The following SLC30A8 variants were observed in gnomAD, a reference collection of about 807,000 sequenced individuals.
SLC30A8 encodes solute carrier family 30 member 8.
In SLC30A8, 27 loss-of-function variants were observed where a neutral mutation model predicts 36.9. The observed-to-expected ratio is 0.73, with a 90% CI of 0.54 to 1.01. The LOEUF (loss-of-function observed/expected upper bound fraction) is 1.01, where lower values mean the gene tolerates loss of function less well. Among genes scored for constraint, SLC30A8 ranks in the 50% least tolerant of loss-of-function variants. SLC30A8 has a pLI of 0.00. For synonymous variants in SLC30A8, 164 were observed against 172.4 expected, an observed-to-expected ratio of 0.95 and a Z score of 0.38; for missense variants, 439 against 452.0, an observed-to-expected ratio of 0.97 and a Z score of 0.26.
Position 117,146,764 on chromosome 8 carries a change from T to TG in SLC30A8, c.72-189dup, listed in dbSNP as rs896066165. On this transcript the variant is annotated intron_variant, in intron 1 of 7. Transcript: ENST00000456015. ...GAATAAAAGTAAAACTTTTAGTAGT[T>TG]GAAGTTTAGAAGGAAATTTCTAGCT... 1.0e-5 allele frequency: 14 copies of TG among 1,375,920 alleles called. No homozygotes were observed. The African/African-American group carries it at 2.0e-4, about 20-fold the overall frequency. The allele number at this position is 1,375,920 out of a possible 1,614,324, so 85.2% of individuals were successfully genotyped here.
intron 2 of SLC30A8, among the ~76,000 whole-genome samples, chr8:117,119,606 G>A (rs540822919): frequency 1.3e-5 from 2 of 151,978 alleles, no homozygotes; most frequent in Middle Eastern, 3.4e-3. Context: ...CATCATCTGT[G>A]TGTATGCATA....
At chr8:117,029,821 G>A (rs552321951) in intron 1 of SLC30A8, among the ~76,000 whole-genome samples, 10 of 152,186 alleles carry the variant, frequency 6.6e-5, no homozygotes, top group East Asian at 1.9e-4. Context: ...GTCCAATGTC[G>A]GAATATTTGA....
rs558190929 is a variant in SLC30A8, at chr8:116,957,338, G to T, written c.-266+6219G>T. On this transcript the variant is annotated intron_variant, in intron 1 of 10. Transcript: ENST00000427715. ...GTAGCCCAGGCTGGAGTGCAGTGGC[G>T]CCATCTCCTGCAACCTCCGCCTCTT... Among the ~76,000 whole-genome samples, 31 of 151,850 alleles carry T rather than the reference G, an allele frequency of 2.0e-4. 1 individual carries two copies. In the South Asian group the frequency reaches 6.2e-3, roughly 31 times the overall value.
At chr8:117,124,171 C>T (rs1219024286) in intron 2 of SLC30A8, among the ~76,000 whole-genome samples, 1 of 151,860 alleles carries the variant, frequency 6.6e-6, no homozygotes, top group Non-Finnish European at 1.5e-5. Context: ...AAGGATAGAA[C>T]CTGTTTTATG....
At chr8:117,022,092 C>T (rs1472414418) in intron 1 of SLC30A8, among the ~76,000 whole-genome samples, 2 of 151,620 alleles carry the variant, frequency 1.3e-5, no homozygotes, top group Non-Finnish European at 2.9e-5. Flanking sequence ...CCCAGCTACT[C>T]GGGAGGCTGG....
intron 4 of SLC30A8, among the ~76,000 whole-genome samples, chr8:117,160,403 T>G (rs73702979): frequency 4.2e-4 from 62 of 145,910 alleles, no homozygotes; most frequent in African/African-American, 1.5e-3. Flanking sequence ...AATTTTCCAC[T>G]TGTGTGTGTG....
chr8:117,124,800 G>C (rs898611494), intron 2 of SLC30A8, among the ~76,000 whole-genome samples: 3 of 151,684 alleles, frequency 2.0e-5, no homozygotes, highest in Non-Finnish European at 4.4e-5. Context: ...ACTACTAGAT[G>C]GGGGAGGGTG....
chr8:117,080,629 C>A (rs1211504983), intron 2 of SLC30A8, among the ~76,000 whole-genome samples: 1 of 152,180 alleles, frequency 6.6e-6, no homozygotes, highest in East Asian at 1.9e-4. Flanking sequence ...AGATAATGGC[C>A]TCCAGCTGCA....
intron 2 of SLC30A8, among the ~76,000 whole-genome samples, chr8:117,115,762 A>C (rs1425198924): frequency 6.6e-6 from 1 of 152,008 alleles, no homozygotes; most frequent in Non-Finnish European, 1.5e-5. Flanking sequence ...GGAAGGGCTC[A>C]TTGAGGCTGT....
chr8:117,138,284 T>TA (rs1821465060), intron 1 of SLC30A8, among the ~76,000 whole-genome samples: 2 of 151,846 alleles, frequency 1.3e-5, no homozygotes, highest in African/African-American at 4.8e-5. Flanking sequence ...CTAAAAATTA[T>TA]AAAAAAGAAA....
chr8:117,015,897 CA>C (rs1017614062), intron 1 of SLC30A8, among the ~76,000 whole-genome samples: 29 of 152,092 alleles, frequency 1.9e-4, no homozygotes, highest in African/African-American at 5.8e-4. Context: ...ATTTATTGAA[CA>C]TTCAGAACAA....
At chr8:117,142,678 C>T (rs1443871105) in intron 1 of SLC30A8, among the ~76,000 whole-genome samples, 1 of 152,110 alleles carries the variant, frequency 6.6e-6, no homozygotes, top group Non-Finnish European at 1.5e-5. Flanking sequence ...AGGTTTTCTC[C>T]TGGTAATTCT....
At position 117,023,860 on chromosome 8, in the gene SLC30A8, T is replaced by TA. The variant is rs939796649; in HGVS notation, c.-265-15349dup. Among the ~76,000 whole-genome samples the TA allele has an allele frequency of 7.4e-3, 1,094 of 148,686 alleles. 6 individuals carry two copies. Among genetic ancestry groups the TA allele is most frequent in the African/African-American group, 0.025 (1,005 of 40,584 alleles). On this transcript the variant is annotated intron_variant, in intron 1 of 10. Transcript: ENST00000427715. ...CATTGTGCACATGTACCCTAAAACT[T>TA]AAAAAAAAAAGAACATTATCACCCT...
chr8:117,107,202 G>A (rs1409599101), intron 2 of SLC30A8, among the ~76,000 whole-genome samples: 1 of 152,052 alleles, frequency 6.6e-6, no homozygotes, highest in African/African-American at 2.4e-5. Flanking sequence ...ATTAAAATAA[G>A]CTTGAAAATA....
At chr8:117,013,949 C>T (rs928820174) in intron 1 of SLC30A8, among the ~76,000 whole-genome samples, 1 of 152,090 alleles carries the variant, frequency 6.6e-6, no homozygotes, top group Non-Finnish European at 1.5e-5. Context: ...TCATGAAATC[C>T]TTCACCCTTA....
intron 1 of SLC30A8, among the ~76,000 whole-genome samples, chr8:117,013,244 T>C (rs1451469791): frequency 1.3e-5 from 2 of 152,198 alleles, no homozygotes; most frequent in Non-Finnish European, 2.9e-5. Context: ...GAATGTTTCT[T>C]TGCCATTTTA....
At chr8:117,144,883 A>C (rs1473239560) in intron 1 of SLC30A8, among the ~76,000 whole-genome samples, 2 of 152,130 alleles carry the variant, frequency 1.3e-5, no homozygotes, top group Non-Finnish European at 2.9e-5. Context: ...AATAATGCCT[A>C]AGTCAATCAG....
intron 2 of SLC30A8, among the ~76,000 whole-genome samples, chr8:117,090,626 G>A (rs1819076512): frequency 6.6e-6 from 1 of 152,110 alleles, no homozygotes; most frequent in African/African-American, 2.4e-5. Flanking sequence ...TGAGGGTTCT[G>A]CCCTTATGAT....
chr8:117,076,680 A>C (rs1332559636), intron 2 of SLC30A8, among the ~76,000 whole-genome samples: 3 of 152,318 alleles, frequency 2.0e-5, no homozygotes, highest in East Asian at 3.9e-4. Context: ...TCTTTCAACT[A>C]AACTACATGT....
Sources: gnomAD v4.1 joint callset for allele counts (sites outside exome capture counted in the v4.1 genomes callset) on GRCh38, gnomAD v4.1.1 for gene constraint, MANE v1.5 for transcripts, NCBI Gene and HGNC (gene_info 2026-07-23, HGNC 2026-07-21) for gene names.